HPSE2: variants seen among roughly 807,000 people sequenced by gnomAD.
HPSE2 encodes inactive heparanase-2.
In HPSE2, 38 loss-of-function variants were observed where a neutral mutation model predicts 60.5. The ratio of observed to expected loss-of-function variants is 0.63; its 90% CI spans 0.48 to 0.82. The LOEUF (loss-of-function observed/expected upper bound fraction) is 0.82. Ranked by LOEUF, HPSE2 falls within the 40% of genes least tolerant of loss-of-function variation. The pLI is 0.00. For missense variants in HPSE2, 713 were observed against 740.4 expected (o/e 0.96, Z 0.43); for synonymous variants, 295 against 293.2 (o/e 1.01, Z -0.06).
chr10:99,041,325 C>T (rs535917854), intron 3 of HPSE2, among the ~76,000 whole-genome samples: 6 of 152,128 alleles, frequency 3.9e-5, no homozygotes, highest in African/African-American at 9.6e-5. Context: ...CAGAGAGGAG[C>T]GAGGCAGAAC....
At chr10:98,639,891 T>G (rs1440639731) in intron 7 of HPSE2, among the ~76,000 whole-genome samples, 1 of 152,192 alleles carries the variant, frequency 6.6e-6, no homozygotes, top group Non-Finnish European at 1.5e-5. Context: ...AACTCAAGAC[T>G]GGAAAAGCCA....
chr10:98,883,712 G>A lies in HPSE2; in HGVS notation c.611-139656C>T, dbSNP rs541426504. ...CCAGCTAGTCGGGAGGCTGAGGCTG[G>A]AGGATTGCTTGAGCCTAGGAGTTCA... On this transcript the variant is annotated intron_variant, in intron 3 of 11. Transcript: ENST00000370552. Among the ~76,000 whole-genome samples, 13 of 152,212 alleles carry A rather than the reference G, an allele frequency of 8.5e-5. 1 individual carries two copies. The South Asian group carries it at 1.0e-3, about 12-fold the overall frequency.
At chr10:99,133,577 C>A in intron 3 of HPSE2, among the ~76,000 whole-genome samples, 2 of 152,174 alleles carry the variant, frequency 1.3e-5, no homozygotes, top group East Asian at 3.9e-4. Context: ...GCAGCCTCTG[C>A]TGGTGATACC....
rs539925916 is a variant in HPSE2 at position 98,867,525 on chromosome 10, G to A, written c.611-123469C>T. ...ATGCTGACGAGCATGTAGAGAAAAGGGAACTTGTACACTATTGGTGGAAAT... is the reference window on the plus strand; with the variant it reads ...ATGCTGACGAGCATGTAGAGAAAAGAGAACTTGTACACTATTGGTGGAAAT... On this transcript the variant is annotated intron_variant, in intron 3 of 11. Coordinates refer to ENST00000370552, the MANE Select transcript of HPSE2 (RefSeq NM_021828.5). 4.6e-5 allele frequency among the ~76,000 whole-genome samples: 7 copies of A among 152,238 alleles called. No homozygotes were observed. The South Asian group carries it at 1.5e-3, about 32-fold the overall frequency.
At chr10:99,179,055 G>A (rs1459322601) in intron 2 of HPSE2, among the ~76,000 whole-genome samples, 5 of 152,188 alleles carry the variant, frequency 3.3e-5, no homozygotes, top group East Asian at 1.9e-4. Context: ...AAAAGCCTTC[G>A]ACAAAATTCA....
In HPSE2 at chr10:99,235,817, T is replaced by G; in HGVS notation, c.-15A>C. The G allele has an allele frequency of 6.2e-7, 1 of 1,610,400 alleles. No homozygotes were observed. Among genetic ancestry groups the G allele is most frequent in the East Asian group, 2.2e-5 (1 of 44,774 alleles). ...AGCACCCTCATTCAATCCCTCTGATTTAAACCTCTCTTCCTACTGGGTCTC... is the reference window on the plus strand; with the variant it reads ...AGCACCCTCATTCAATCCCTCTGATGTAAACCTCTCTTCCTACTGGGTCTC... On this transcript the variant is annotated 5_prime_UTR_variant, in exon 1 of 12. Coordinates refer to ENST00000370552, the MANE Select transcript of HPSE2 (RefSeq NM_021828.5).
At chr10:98,586,661 A>T (rs569519084) in intron 9 of HPSE2, among the ~76,000 whole-genome samples, 20 of 152,338 alleles carry the variant, frequency 1.3e-4, no homozygotes, top group African/African-American at 4.8e-4. Flanking sequence ...GGAGATTGCA[A>T]GATTAAAGAG....
intron 4 of HPSE2, among the ~76,000 whole-genome samples, chr10:98,727,737 C>A (rs1428545602): frequency 6.6e-6 from 1 of 151,390 alleles, no homozygotes; most frequent in Non-Finnish European, 1.5e-5. Context: ...GTTAATGATT[C>A]ATCAAATAGA....
intron 3 of HPSE2, among the ~76,000 whole-genome samples, chr10:99,099,745 T>C (rs1020259494): frequency 6.6e-6 from 1 of 152,012 alleles, no homozygotes; most frequent in Non-Finnish European, 1.5e-5. Context: ...CACCCCCTAG[T>C]AGGGGCAGAG....
Position 99,076,811 on chromosome 10 carries a change from A to G in HPSE2, c.610+67427T>C, listed in dbSNP as rs185268867. 3.9e-5 allele frequency among the ~76,000 whole-genome samples: 6 copies of G among 152,070 alleles called. No individual in the cohort carries two copies. In the East Asian group the frequency reaches 1.2e-3, roughly 29 times the overall value. ...ATTTACCTTTACTAGCAAATTTTAC[A>G]TTTTCCTATGCTTTTGTATTACTGT... is the stretch of plus-strand genomic sequence containing the variant. On this transcript the variant is annotated intron_variant, in intron 3 of 11. Coordinates refer to ENST00000370552, the MANE Select transcript of HPSE2 (RefSeq NM_021828.5).
At chr10:98,703,669 T>C (rs1000975519) in intron 5 of HPSE2, among the ~76,000 whole-genome samples, 1 of 151,886 alleles carries the variant, frequency 6.6e-6, no homozygotes, top group Non-Finnish European at 1.5e-5. Flanking sequence ...CTGACAAAAA[T>C]CACATGATAA....
intron 3 of HPSE2, among the ~76,000 whole-genome samples, chr10:98,931,473 A>G (rs11189881): frequency 0.11 from 15,731 of 143,372 alleles, 2,274 homozygotes; most frequent in South Asian, 0.22. Flanking sequence ...GTTCCATATA[A>G]ATTTTAAAAG....
intron 9 of HPSE2, among the ~76,000 whole-genome samples, chr10:98,492,746 G>T (rs973819326): frequency 5.9e-5 from 9 of 152,142 alleles, no homozygotes; most frequent in Admixed American, 2.0e-4. Flanking sequence ...GTTTGGGATA[G>T]ATATATAAAA....
In HPSE2 at chr10:99,009,333, T is replaced by C. The variant is rs575603341; in HGVS notation, c.610+134905A>G. ...TACTCAGGAGGCTGAGGTGGGTGAATTGCATGAGCCCAGGAGTTTGAGGCT... is the reference window on the plus strand; with the variant it reads ...TACTCAGGAGGCTGAGGTGGGTGAACTGCATGAGCCCAGGAGTTTGAGGCT... On this transcript the variant is annotated intron_variant, in intron 3 of 11. Transcript: ENST00000370552. 2.1e-4 allele frequency among the ~76,000 whole-genome samples: 32 copies of C among 150,840 alleles called. 1 individual carries two copies. The highest frequency in any genetic ancestry group is 7.8e-4 in the African/African-American group (32 of 40,992).
chr10:98,548,715 C>T (rs140263148), intron 9 of HPSE2, among the ~76,000 whole-genome samples: 235 of 152,210 alleles, frequency 1.5e-3, no homozygotes, highest in Non-Finnish European at 2.4e-3. Context: ...GTAGGAATTG[C>T]GCAGGAGCAC....
chr10:99,136,937 G>C (rs1845681782), intron 3 of HPSE2, among the ~76,000 whole-genome samples: 1 of 152,212 alleles, frequency 6.6e-6, no homozygotes, highest in African/African-American at 2.4e-5. Context: ...AATAGGAAGA[G>C]AGGAAGTCAA....
At chr10:99,121,161 G>A (rs1467878256) in intron 3 of HPSE2, among the ~76,000 whole-genome samples, 5 of 152,132 alleles carry the variant, frequency 3.3e-5, no homozygotes, top group Non-Finnish European at 5.9e-5. Flanking sequence ...TGGAGCTGGA[G>A]GCCATCATCT....
chr10:99,079,871 T>C (rs865801641), intron 3 of HPSE2, among the ~76,000 whole-genome samples: 1 of 152,102 alleles, frequency 6.6e-6, no homozygotes, highest in South Asian at 2.1e-4. Flanking sequence ...ACTCAAGACA[T>C]ATAGCAGTCT....
intron 3 of HPSE2, among the ~76,000 whole-genome samples, chr10:99,120,258 C>A (rs1844894473): frequency 6.6e-6 from 1 of 151,934 alleles, no homozygotes; most frequent in Admixed American, 6.6e-5. Flanking sequence ...TTTAAAAAAA[C>A]CATTAAAAAG....
Sources: allele counts gnomAD v4.1 joint callset (sites outside exome capture counted in the v4.1 genomes callset), GRCh38; gene constraint gnomAD v4.1.1; transcripts MANE v1.5; gene names NCBI Gene and HGNC (gene_info 2026-07-23, HGNC 2026-07-21).